The following RYR1 variants were observed in gnomAD, a reference collection of about 807,000 sequenced individuals.
RYR1 encodes the protein central core disease of muscle.
RYR1 carries 342 observed loss-of-function variants against 583.5 expected under a neutral mutation model. The ratio of observed to expected loss-of-function variants is 0.59; its 90% confidence interval spans 0.54 to 0.64. The LOEUF (loss-of-function observed/expected upper bound fraction) is 0.64. Ranked by LOEUF, RYR1 falls within the 30% of genes least tolerant of loss-of-function variation. The probability of loss-of-function intolerance (pLI) is 0.00; values close to 1 mark genes in which losing one functional copy is unlikely to be tolerated. For synonymous variants in RYR1, 2,791 were observed against 2,822.5 expected (o/e 0.99, Z 0.35); for missense variants, 6,032 against 6,917.2 (o/e 0.87, Z 4.54).
At chr19:38,535,848 A>G (rs1600962394) in intron 81 of RYR1, 149 bp from the exon 82 acceptor site, 6 of 759,032 alleles carry the variant, frequency 7.9e-6, no homozygotes, top group East Asian at 5.4e-5. Flanking sequence ...GCTTCTGCCA[A>G]CTCTTCATTT....
intron 54 of RYR1, 57 bp from the exon 55 acceptor site, chr19:38,506,246 G>T: frequency 6.4e-7 from 1 of 1,567,426 alleles, no homozygotes; most frequent in Non-Finnish European, 8.8e-7. Context: ...GGAGGGGCTG[G>T]CCTGGGCTTC....
At chr19:38,553,848 A>G (rs1195744794) in intron 89 of RYR1, among the ~76,000 whole-genome samples, 3 of 152,226 alleles carry the variant, frequency 2.0e-5, no homozygotes, top group Non-Finnish European at 4.4e-5. Flanking sequence ...AATAGGTATA[A>G]CATCACTGGT....
At chr19:38,464,507 A>G (rs1967983079) in intron 22 of RYR1, 132 bp from the exon 23 acceptor site, 1 of 691,240 alleles carries the variant, frequency 1.4e-6, no homozygotes, top group Non-Finnish European at 2.6e-6. Context: ...GGATCAAGAG[A>G]GACAGGGCCA....
At chr19:38,579,912 C>A in intron 99 of RYR1, 70 bp from the exon 100 acceptor site, 1 of 1,603,998 alleles carries the variant, frequency 6.2e-7, no homozygotes, top group Non-Finnish European at 8.5e-7. Flanking sequence ...TCTCGAGTGG[C>A]CCCTACCCTC....
chr19:38,583,855 G>T (rs182032458), intron 101 of RYR1, among the ~76,000 whole-genome samples: 2 of 151,978 alleles, frequency 1.3e-5, no homozygotes, highest in African/African-American at 4.8e-5. Context: ...CCTTGACCGC[G>T]GGCTGGGCCA....
intron 2 of RYR1, among the ~76,000 whole-genome samples, chr19:38,441,632 T>G (rs527635096): frequency 1.4e-4 from 21 of 145,948 alleles, no homozygotes; most frequent in African/African-American, 5.1e-4. Flanking sequence ...CGCAGGGGCC[T>G]GACTTGGGAG....
In RYR1 at chr19:38,502,560, G is replaced by T. The variant is rs761061652; in HGVS notation, c.7668G>T (p.Leu2556=). The change falls in exon 48 of 106, where the codon CTG becomes CTT. Residue 2556 remains leucine (L), a synonymous_variant. Transcript: ENST00000359596. ...MALALNRYLC[L]AVLPLITKCA... ...TGGCGCTGAACCGCTACCTGTGCCT[G>T]GCCGTGCTGCCGCTCATCACCAAGT... 1 of 1,611,778 alleles carries T rather than the reference G, an allele frequency of 6.2e-7. No individual in the cohort carries two copies. The highest frequency in any genetic ancestry group is 8.5e-7 in the Non-Finnish European group (1 of 1,179,870).
intron 17 of RYR1, 126 bp from the exon 18 acceptor site, chr19:38,457,925 T>C: frequency 1.0e-6 from 1 of 1,002,212 alleles, no homozygotes; most frequent in Non-Finnish European, 1.6e-6. Flanking sequence ...TCCATGTCTT[T>C]CTCCCTGTCT....
rs1251102134 is a variant in RYR1, at chr19:38,523,911, G to A, written c.10441-4G>A. 1 of 1,613,858 alleles carries A rather than the reference G, an allele frequency of 6.2e-7. No homozygotes were observed. Among genetic ancestry groups the A allele is most frequent in the Non-Finnish European group, 8.5e-7 (1 of 1,180,016 alleles). The stretch of plus-strand genomic sequence containing the variant: ...TTGTCTCTGTCTGCGGTCCGGTGAA[G>A]CAGGCGGGAGATATACAGGTCAGCC... On this transcript the variant is annotated splice_region_variant and splice_polypyrimidine_tract_variant and intron_variant, in intron 69 of 105. Transcript: ENST00000359596.
In RYR1 at chr19:38,463,726, T is replaced by C. The variant is rs368244890; in HGVS notation, c.2683-21T>C. On this transcript the variant is annotated intron_variant, in intron 21 of 105. Transcript: ENST00000359596. ...GGGAAGGAAAGGGGAGCACATGGAG[T>C]TGACCCTGGGTTTTCTCCAGGTTCG... 22 of 1,606,610 alleles carry C rather than the reference T, an allele frequency of 1.4e-5. No individual in the cohort carries two copies. In the African/African-American group the frequency reaches 2.0e-4, roughly 15 times the overall value.
intron 84 of RYR1, among the ~76,000 whole-genome samples, chr19:38,539,322 C>G (rs1326112624): frequency 6.6e-6 from 1 of 150,562 alleles, no homozygotes; most frequent in Non-Finnish European, 1.5e-5. Context: ...CTCGCTGCAA[C>G]CTCTGCCTCC....
intron 58 of RYR1, 45 bp downstream of exon 58, chr19:38,507,872 A>T: frequency 8.1e-7 from 1 of 1,227,862 alleles, no homozygotes; most frequent in Non-Finnish European, 1.2e-6. Context: ...ACCTGCAGAC[A>T]CCAGTTCTGC....
At chr19:38,557,051 CTTTTTTTTTTT>C (rs35027525) in intron 89 of RYR1, among the ~76,000 whole-genome samples, 1 of 108,836 alleles carries the variant, frequency 9.2e-6, no homozygotes, top group Non-Finnish European at 1.7e-5. Context: ...AGTCTCATTT[CTTTTTTTTTTT>C]TTTTTTTTTG....
In RYR1 at chr19:38,500,596, T is replaced by G; in HGVS notation, c.7324-10T>G. 1 of 1,612,200 alleles carries G rather than the reference T, an allele frequency of 6.2e-7. No homozygotes were observed. Among genetic ancestry groups the G allele is most frequent in the Non-Finnish European group, 8.5e-7 (1 of 1,179,910 alleles). ...TGATGAGTGCCCCTCTCCCTCCCTCTACTCCCCAGCTAATCCAAGCCGGCA... is the reference window on the plus strand; with the variant it reads ...TGATGAGTGCCCCTCTCCCTCCCTCGACTCCCCAGCTAATCCAAGCCGGCA... On this transcript the variant is annotated splice_polypyrimidine_tract_variant and intron_variant, in intron 45 of 105. Coordinates refer to ENST00000359596, the MANE Select transcript of RYR1 (RefSeq NM_000540.3). The surrounding 1 kb of genome is among the most constrained non-coding windows in gnomAD (Gnocchi z 5.9).
At chr19:38,531,140 G>A (rs1971722917) in intron 76 of RYR1, among the ~76,000 whole-genome samples, 1 of 151,816 alleles carries the variant, frequency 6.6e-6, no homozygotes, top group Admixed American at 6.6e-5. Context: ...AGCCTTCTTT[G>A]GTCTCTTTAT....
intron 89 of RYR1, among the ~76,000 whole-genome samples, chr19:38,554,845 A>G (rs1319689402): frequency 6.6e-6 from 1 of 152,094 alleles, no homozygotes. Context: ...TTGTTTTCCT[A>G]TCTGCAAATT....
rs992702053 is a variant in RYR1, at chr19:38,455,846, C to T, written c.1791+95C>T. On this transcript the variant is annotated intron_variant, in intron 16 of 105. Coordinates refer to ENST00000359596, the MANE Select transcript of RYR1 (RefSeq NM_000540.3). ...CTCTGCTCACTCCCTCACTTCCCTC[C>T]TCCATCTCATCTCTCACCTGTACGC... is the stretch of plus-strand genomic sequence containing the variant. 3 of 804,158 alleles carry T rather than the reference C, an allele frequency of 3.7e-6. No homozygotes were observed. The East Asian group carries it at 7.4e-5, about 20-fold the overall frequency. 49.8% of individuals were successfully genotyped at this position (804,158 alleles called of 1,614,324 possible). A position where few individuals can be genotyped will look rare whatever the true frequency, so the allele number is the denominator to read the frequency against.
At chr19:38,544,975 G>C (rs771099830) in intron 87 of RYR1, among the ~76,000 whole-genome samples, 1 of 152,068 alleles carries the variant, frequency 6.6e-6, no homozygotes, top group African/African-American at 2.4e-5. Flanking sequence ...CAAGCAGGCT[G>C]TCTCCCTGGG....
chr19:38,469,015 C>A lies in RYR1; in HGVS notation c.3431C>A (p.Pro1144Gln). Reference protein sequence around the residue: ...GSEPFGRPWQPGDVVGCMIDL... With the variant: ...GSEPFGRPWQQGDVVGCMIDL... ...GAACCATTTGGGCGCCCCTGGCAGC[C>A]GGGCGATGTCGTTGGCTGTATGATC... The change falls in exon 26 of 106, where the codon CCG becomes CAG. Residue 1144 changes from proline (P) to glutamine (Q), a missense_variant. Physicochemically the swap from Pro to Gln is moderately conservative, Grantham distance 76. Transcript: ENST00000359596. 1 of 1,614,192 alleles carries A rather than the reference C, an allele frequency of 6.2e-7. No individual in the cohort carries two copies. Among genetic ancestry groups the A allele is most frequent in the Non-Finnish European group, 8.5e-7 (1 of 1,180,040 alleles).
Sources: allele counts gnomAD v4.1 joint callset (sites outside exome capture counted in the v4.1 genomes callset), GRCh38; gene constraint gnomAD v4.1.1; non-coding constraint Gnocchi (gnomAD v3.1); transcripts MANE v1.5; gene names NCBI Gene and HGNC (gene_info 2026-07-23, HGNC 2026-07-21).